The following KCNN2 variants were observed in gnomAD, a reference collection of about 807,000 sequenced individuals.
KCNN2 encodes the protein potassium calcium-activated channel subfamily N member 2.
Under a neutral mutation model 55.5 loss-of-function variants are expected in KCNN2, and 24 were observed. That is an observed-to-expected ratio of 0.43 (90% CI 0.31 to 0.61). KCNN2 has a LOEUF of 0.61. Among genes scored for constraint, KCNN2 ranks in the 20% least tolerant of loss-of-function variants. The pLI, the probability that KCNN2 is intolerant of heterozygous loss-of-function variation, is 0.08. For synonymous variants in KCNN2, 431 were observed against 336.1 expected (o/e 1.28, Z -3.09); for missense variants, 754 against 853.6 (o/e 0.88, Z 1.45).
upstream of KCNN2, among the ~76,000 whole-genome samples, chr5:114,360,787 C>T (rs1268143679): frequency 2.0e-5 from 3 of 152,192 alleles, no homozygotes; most frequent in African/African-American, 4.8e-5. Flanking sequence ...CTATTCAGCC[C>T]AAGCTATCAT....
rs567861253 is a variant in KCNN2, at chr5:114,221,212, G to T, written c.-270-268G>T. On this transcript the variant is annotated intron_variant, in intron 1 of 10. Coordinates refer to the KCNN2 transcript ENST00000512097. ...GCTTAGCTGTATTCCTTTGTACAGG[G>T]CAAGAATTACACAAGTGCACATGGA... 2.8e-3 allele frequency among the ~76,000 whole-genome samples: 427 copies of T among 152,262 alleles called. 4 individuals carry two copies. Among genetic ancestry groups the T allele is most frequent in the African/African-American group, 1.0e-2 (415 of 41,554 alleles).
chr5:114,348,680 ACT>A (rs773057798), intron 2 of KCNN2, among the ~76,000 whole-genome samples: 7 of 152,116 alleles, frequency 4.6e-5, no homozygotes, highest in Non-Finnish European at 7.4e-5. Flanking sequence ...GGATTTACAA[ACT>A]CTGTGGATAG....
At chr5:114,392,036 G>T (rs147211645) in intron 2 of KCNN2, among the ~76,000 whole-genome samples, 2 of 152,186 alleles carry the variant, frequency 1.3e-5, no homozygotes, top group African/African-American at 4.8e-5. Flanking sequence ...TCAAGCAACC[G>T]TTTGCTTATG....
chr5:114,159,462 C>CT (rs964089557), intron 1 of KCNN2, among the ~76,000 whole-genome samples: 35 of 151,982 alleles, frequency 2.3e-4, no homozygotes, highest in Admixed American at 7.9e-4. Context: ...GTTTAAAATT[C>CT]TTTTTTTTGA....
At chr5:114,189,848 G>T (rs972237513) in intron 1 of KCNN2, among the ~76,000 whole-genome samples, 37 of 152,030 alleles carry the variant, frequency 2.4e-4, no homozygotes, top group African/African-American at 8.9e-4. Context: ...AGTCAGTAGG[G>T]GATAAAGTGG....
chr5:114,245,919 A>G (rs1174932093), intron 2 of KCNN2, among the ~76,000 whole-genome samples: 2 of 152,176 alleles, frequency 1.3e-5, no homozygotes, highest in Non-Finnish European at 2.9e-5. Flanking sequence ...CAGCATATCT[A>G]CTAAAACTCA....
At chr5:114,119,855 A>G (rs1314346671) in intron 1 of KCNN2, among the ~76,000 whole-genome samples, 2 of 152,174 alleles carry the variant, frequency 1.3e-5, no homozygotes, top group Non-Finnish European at 2.9e-5. Flanking sequence ...TGATCGAGAA[A>G]GACTGAGGCA....
At chr5:114,137,871 G>A (rs968225887) in intron 1 of KCNN2, among the ~76,000 whole-genome samples, 2 of 152,150 alleles carry the variant, frequency 1.3e-5, no homozygotes, top group Non-Finnish European at 2.9e-5. Flanking sequence ...AATAGGAAGT[G>A]TAATTATGAT....
At chr5:114,300,604 A>C (rs1301539572) in intron 2 of KCNN2, among the ~76,000 whole-genome samples, 1 of 152,232 alleles carries the variant, frequency 6.6e-6, no homozygotes, top group Non-Finnish European at 1.5e-5. Context: ...TTTGATAAGA[A>C]GAAGAAAAGG....
chr5:114,416,344 C>T (rs1759304674), intron 3 of KCNN2, among the ~76,000 whole-genome samples: 1 of 152,156 alleles, frequency 6.6e-6, no homozygotes, highest in Non-Finnish European at 1.5e-5. Flanking sequence ...TGCAATGTGT[C>T]TGACCCCGTT....
At chr5:114,056,269 G>T (rs1279772265) in exon 1 of KCNN2, 1 of 397,452 alleles carries the variant, frequency 2.5e-6, no homozygotes, top group Admixed American at 4.4e-5. Context: ...AGCCGGGGGC[G>T]CTCTCCCGGG....
chr5:114,452,218 G>T (rs190451500), intron 3 of KCNN2, among the ~76,000 whole-genome samples: 1 of 152,266 alleles, frequency 6.6e-6, no homozygotes, highest in East Asian at 1.9e-4. Flanking sequence ...ATACTTTAGA[G>T]CACCCTCACT....
intron 3 of KCNN2, among the ~76,000 whole-genome samples, chr5:114,440,139 A>G (rs1410590432): frequency 1.3e-5 from 2 of 152,194 alleles, no homozygotes; most frequent in Non-Finnish European, 2.9e-5. Flanking sequence ...AAAGCCAAGT[A>G]AAGAAAAAAG....
intron 2 of KCNN2, among the ~76,000 whole-genome samples, chr5:114,247,813 A>G (rs1754777082): frequency 6.6e-6 from 1 of 152,084 alleles, no homozygotes; most frequent in Non-Finnish European, 1.5e-5. Context: ...TTGACATAGT[A>G]GTTTTTTTTT....
At chr5:114,393,551 A>T (rs1447623146) in intron 2 of KCNN2, among the ~76,000 whole-genome samples, 1 of 151,934 alleles carries the variant, frequency 6.6e-6, no homozygotes, top group Non-Finnish European at 1.5e-5. Context: ...TTATTAACTA[A>T]CTTATATTCA....
intron 1 of KCNN2, among the ~76,000 whole-genome samples, chr5:114,134,176 C>G (rs925101255): frequency 6.6e-6 from 1 of 151,510 alleles, no homozygotes; most frequent in Non-Finnish European, 1.5e-5. Flanking sequence ...TTTTTCTCTT[C>G]CCCTCTTTCT....
chr5:114,334,650 C>T (rs573867184), intron 2 of KCNN2, among the ~76,000 whole-genome samples: 7 of 152,124 alleles, frequency 4.6e-5, no homozygotes, highest in African/African-American at 1.7e-4. Flanking sequence ...AATTTTCTAA[C>T]ATTACTAAAG....
At chr5:114,159,280 G>A (rs1752711873) in intron 1 of KCNN2, among the ~76,000 whole-genome samples, 1 of 152,020 alleles carries the variant, frequency 6.6e-6, no homozygotes, top group Non-Finnish European at 1.5e-5. Flanking sequence ...TTTACCTTTG[G>A]TTCTGTTTAT....
At chr5:114,235,743 A>G (rs1279937837) in intron 2 of KCNN2, among the ~76,000 whole-genome samples, 1 of 152,236 alleles carries the variant, frequency 6.6e-6, no homozygotes, top group Non-Finnish European at 1.5e-5. Context: ...TACATCACAA[A>G]AGTCTTCTTT....
Sources: gnomAD v4.1 joint callset for allele counts (sites outside exome capture counted in the v4.1 genomes callset) on GRCh38, gnomAD v4.1.1 for gene constraint, MANE v1.5 for transcripts, NCBI Gene and HGNC (gene_info 2026-07-23, HGNC 2026-07-21) for gene names.